Variants in PCDH15 observed in about 807,000 individuals in gnomAD.
The protein encoded by PCDH15 is protocadherin-15.
Under a neutral mutation model 178.5 loss-of-function variants are expected in PCDH15, and 129 were observed. That is an observed-to-expected ratio of 0.72 (90% CI 0.63 to 0.84). The LOEUF is 0.84. PCDH15 is among the 40% of genes least tolerant of loss of function. PCDH15 has a pLI of 0.00. For synonymous variants in PCDH15, 800 were observed against 732.0 expected (o/e 1.09, Z -1.50); for missense variants, 2,230 against 2,099.9 (o/e 1.06, Z -1.21).
At chr10:55,520,800 A>C (rs1272492412) in intron 2 of PCDH15, among the ~76,000 whole-genome samples, 3 of 151,912 alleles carry the variant, frequency 2.0e-5, no homozygotes. Flanking sequence ...TCTTTTCAAG[A>C]AAATTCCAGT....
At chr10:55,322,759 AG>A (rs1588912265), upstream of PCDH15, among the ~76,000 whole-genome samples, 1 of 151,622 alleles carries the variant, frequency 6.6e-6, no homozygotes, top group East Asian at 2.0e-4. Context: ...CAGAGCATAA[AG>A]AATTGGAAAA....
chr10:54,689,987 CTG>C (rs2095087885), intron 1 of PCDH15, among the ~76,000 whole-genome samples: 1 of 152,102 alleles, frequency 6.6e-6, no homozygotes, highest in Non-Finnish European at 1.5e-5. Context: ...AATAAAGAAA[CTG>C]TGGAGTTGCA....
rs556865354 is a variant in PCDH15, at chr10:54,072,374, A to G, written c.2092-5489T>C. On this transcript the variant is annotated intron_variant, in intron 17 of 37. Coordinates refer to ENST00000644397, the MANE Select transcript of PCDH15 (RefSeq NM_001384140.1). ...GCCAAGCCAACTTCATTCAGATTGTAGAGTTTCATTCATGATGTAGAGTGG... is the reference window on the plus strand; with the variant it reads ...GCCAAGCCAACTTCATTCAGATTGTGGAGTTTCATTCATGATGTAGAGTGG... Among the ~76,000 whole-genome samples the G allele has an allele frequency of 2.0e-5, 3 of 152,330 alleles. No individual in the cohort carries two copies. The South Asian group carries it at 6.2e-4, about 32-fold the overall frequency.
intron 18 of PCDH15, among the ~76,000 whole-genome samples, chr10:54,055,690 C>T (rs75285476): frequency 0.036 from 5,484 of 152,226 alleles, 164 homozygotes; most frequent in Middle Eastern, 0.061. Flanking sequence ...TCCATCCACC[C>T]ATGTCTCACA....
chr10:55,117,215 C>A (rs2132062103), intron 2 of PCDH15, among the ~76,000 whole-genome samples: 1 of 152,286 alleles, frequency 6.6e-6, no homozygotes, highest in South Asian at 2.1e-4. Flanking sequence ...GAAATCTTCA[C>A]TCCCCTACAA....
intron 3 of PCDH15, among the ~76,000 whole-genome samples, chr10:54,815,972 G>T (rs1485275835): frequency 4.6e-5 from 7 of 152,002 alleles, no homozygotes; most frequent in Admixed American, 4.6e-4. Context: ...TTATCAGTAT[G>T]TCTTCTGATC....
intron 2 of PCDH15, chr10:55,513,107 C>T (rs1840926162): frequency 6.6e-6 from 1 of 152,082 alleles, no homozygotes. Context: ...TCGTTGAGCA[C>T]ATTTTAAGAC....
At chr10:54,922,288 G>A (rs940802351) in intron 2 of PCDH15, among the ~76,000 whole-genome samples, 1 of 152,122 alleles carries the variant, frequency 6.6e-6, no homozygotes, top group Non-Finnish European at 1.5e-5. Context: ...TTATGGGCCT[G>A]TAAAATTCAA....
At chr10:54,746,231 GT>G (rs1233035432) in intron 1 of PCDH15, among the ~76,000 whole-genome samples, 2 of 152,072 alleles carry the variant, frequency 1.3e-5, no homozygotes, top group Non-Finnish European at 2.9e-5. Flanking sequence ...CGCCCTCCCA[GT>G]TGTGACAGCC....
At position 54,729,782 on chromosome 10, in the gene PCDH15, A is replaced by C. The variant is rs1008789477; in HGVS notation, c.-28-65492T>G. ...ATTTCTCAAAAGAAGACATATATGC[A>C]GTAAACAACCTATAAAAACATTCTC... is the stretch of plus-strand genomic sequence containing the variant. On this transcript the variant is annotated intron_variant, in intron 1 of 37. Coordinates refer to ENST00000644397, the MANE Select transcript of PCDH15 (RefSeq NM_001384140.1). 4.6e-5 allele frequency among the ~76,000 whole-genome samples: 7 copies of C among 151,710 alleles called. No homozygotes were observed. The East Asian group carries it at 1.4e-3, about 29-fold the overall frequency.
chr10:55,338,234 A>G (rs1844451545), intron 2 of PCDH15, among the ~76,000 whole-genome samples: 1 of 152,158 alleles, frequency 6.6e-6, no homozygotes, highest in African/African-American at 2.4e-5. Context: ...CCACAACAGT[A>G]TAAACGTCCC....
chr10:55,080,122 G>A (rs1406663268), intron 2 of PCDH15, among the ~76,000 whole-genome samples: 1 of 152,080 alleles, frequency 6.6e-6, no homozygotes, highest in Non-Finnish European at 1.5e-5. Flanking sequence ...GTCTCCAGCA[G>A]GAGCCATGGC....
intron 29 of PCDH15, among the ~76,000 whole-genome samples, chr10:53,833,326 C>G (rs1438236538): frequency 1.3e-5 from 2 of 152,046 alleles, no homozygotes; most frequent in African/African-American, 4.8e-5. Flanking sequence ...AGCCCTATTA[C>G]TTAGATACTT....
At chr10:54,234,813 T>C (rs554568297) in intron 9 of PCDH15, among the ~76,000 whole-genome samples, 2 of 152,336 alleles carry the variant, frequency 1.3e-5, no homozygotes, top group East Asian at 3.9e-4. Flanking sequence ...TATCCTACGG[T>C]TGTAGGCTGA....
At position 54,633,336 on chromosome 10, in the gene PCDH15, A is replaced by T. The variant is rs114128351; in HGVS notation, c.91+30836T>A. On this transcript the variant is annotated intron_variant, in intron 2 of 37. Coordinates refer to ENST00000644397, the MANE Select transcript of PCDH15 (RefSeq NM_001384140.1). ...GGGATGTTGGGTTGTAGGCAGAGCT[A>T]GAAATCTTTCCCTTCTTATTTTCTA... Among the ~76,000 whole-genome samples the T allele has an allele frequency of 4.1e-3, 625 of 152,258 alleles. 2 individuals are homozygous for T. The highest frequency in any genetic ancestry group is 0.015 in the African/African-American group (603 of 41,554).
chr10:55,081,843 A>G (rs1374268118), intron 2 of PCDH15, among the ~76,000 whole-genome samples: 8 of 152,160 alleles, frequency 5.3e-5, no homozygotes, highest in Non-Finnish European at 1.0e-4. Context: ...GAAGGTCACT[A>G]TATAATAATA....
chr10:55,348,745 T>G (rs1470664456), intron 2 of PCDH15, among the ~76,000 whole-genome samples: 1 of 152,022 alleles, frequency 6.6e-6, no homozygotes, highest in South Asian at 2.1e-4. Context: ...TGAGACAGGG[T>G]TTTTCTTACT....
intron 10 of PCDH15, among the ~76,000 whole-genome samples, chr10:54,207,417 T>A (rs1453270483): frequency 6.6e-6 from 1 of 151,742 alleles, no homozygotes; most frequent in Non-Finnish European, 1.5e-5. Flanking sequence ...TGTTTTGGTA[T>A]TATTTATTAT....
At chr10:53,991,158 G>A (rs897891520) in intron 21 of PCDH15, among the ~76,000 whole-genome samples, 1 of 151,968 alleles carries the variant, frequency 6.6e-6, no homozygotes, top group Non-Finnish European at 1.5e-5. Flanking sequence ...GCTCCATGGC[G>A]CCCGGTCCCA....
Sources: gnomAD v4.1 joint callset for allele counts (sites outside exome capture counted in the v4.1 genomes callset) on GRCh38, gnomAD v4.1.1 for gene constraint, MANE v1.5 for transcripts, NCBI Gene and HGNC (gene_info 2026-07-23, HGNC 2026-07-21) for gene names.